Variants in COL28A1 observed in about 807,000 individuals in gnomAD.
The protein encoded by COL28A1 is collagen alpha-1(XXVIII) chain.
A neutral mutation model predicts 150.2 loss-of-function variants in COL28A1; 161 were observed. The observed-to-expected ratio is 1.07, with a 90% CI of 0.94 to 1.22. The LOEUF (loss-of-function observed/expected upper bound fraction) is 1.22, where lower values mean the gene tolerates loss of function less well. COL28A1 is among the 50% of genes most tolerant of loss of function. The probability of loss-of-function intolerance (pLI) is 0.00; values close to 1 mark genes in which losing one functional copy is unlikely to be tolerated. For missense variants in COL28A1, 1,617 were observed against 1,388.3 expected (o/e 1.16, Z -2.62); for synonymous variants, 552 against 469.7 (o/e 1.18, Z -2.26).
intron 14 of COL28A1, among the ~76,000 whole-genome samples, chr7:7,475,550 T>C (rs1236968929): frequency 1.3e-5 from 2 of 152,246 alleles, no homozygotes; most frequent in African/African-American, 4.8e-5. Flanking sequence ...AGAGTATCAA[T>C]AAAGTATGAT....
intron 27 of COL28A1, among the ~76,000 whole-genome samples, chr7:7,390,520 G>T (rs994642526): frequency 2.6e-5 from 4 of 152,138 alleles, no homozygotes; most frequent in Non-Finnish European, 5.9e-5. Context: ...ATGAGTTAGG[G>T]AGGAGTCCCT....
chr7:7,464,264 C>G (rs1028201412), intron 15 of COL28A1, among the ~76,000 whole-genome samples: 1 of 152,074 alleles, frequency 6.6e-6, no homozygotes, highest in African/African-American at 2.4e-5. Flanking sequence ...CGAGACAGAA[C>G]GTCAACAAAG....
At chr7:7,486,806 T>C (rs1421535190) in intron 13 of COL28A1, among the ~76,000 whole-genome samples, 2 of 152,212 alleles carry the variant, frequency 1.3e-5, no homozygotes, top group Admixed American at 1.3e-4. Context: ...AGTCATGCTG[T>C]ATAATTCTTT....
chr7:7,442,568 C>A (rs745600612), intron 20 of COL28A1, among the ~76,000 whole-genome samples: 7 of 152,096 alleles, frequency 4.6e-5, no homozygotes, highest in Non-Finnish European at 1.0e-4. Flanking sequence ...ATTTAAATTT[C>A]ATGTCCTCAC....
chr7:7,346,037 A>C, the COL28A1 span, among the ~76,000 whole-genome samples: 1 of 152,118 alleles, frequency 6.6e-6, no homozygotes, highest in South Asian at 2.1e-4. Flanking sequence ...ATTTCATGTG[A>C]TCCTGAGCTT....
At chr7:7,461,440 A>C (rs2128338532) in intron 15 of COL28A1, among the ~76,000 whole-genome samples, 1 of 152,312 alleles carries the variant, frequency 6.6e-6, no homozygotes, top group South Asian at 2.1e-4. Flanking sequence ...AGACAGGGGA[A>C]GAAGGAAAGC....
chr7:7,386,285 G>A (rs1782177292), intron 27 of COL28A1, among the ~76,000 whole-genome samples: 1 of 152,124 alleles, frequency 6.6e-6, no homozygotes, highest in Admixed American at 6.5e-5. Context: ...GTAAGGTGTG[G>A]TAAGAAAAAA....
intron 1 of COL28A1, among the ~76,000 whole-genome samples, chr7:7,534,751 T>C (rs1782552469): frequency 6.6e-6 from 1 of 152,204 alleles, no homozygotes; most frequent in Non-Finnish European, 1.5e-5. Flanking sequence ...AATTTGTACC[T>C]GATCCCTGTA....
At position 7,373,680 on chromosome 7, in the gene COL28A1, C is replaced by A. The variant is rs150434849; in HGVS notation, c.2360-134G>T. Reference sequence around the variant, plus strand: ...TCCTTTTCTGTGATTGTGAAAATACCTGACAGCTGTCTCCATTCTGGTTTC... The same window carrying A: ...TCCTTTTCTGTGATTGTGAAAATACATGACAGCTGTCTCCATTCTGGTTTC... On this transcript the variant is annotated intron_variant, in intron 31 of 34. Transcript: ENST00000399429. The surrounding 1 kb of genome is among the most constrained non-coding windows in gnomAD (Gnocchi z 4.1). 12 of 716,330 alleles carry A rather than the reference C, an allele frequency of 1.7e-5. No homozygotes were observed. The highest frequency in any genetic ancestry group is 3.0e-5 in the Admixed American group (1 of 33,854). The allele number at this position is 716,330 out of a possible 1,614,324, so 44.4% of individuals were successfully genotyped here. A position where few individuals can be genotyped will look rare whatever the true frequency, so the allele number is the denominator to read the frequency against.
At chr7:7,516,585 A>G (rs1372430706) in intron 7 of COL28A1, among the ~76,000 whole-genome samples, 1 of 152,164 alleles carries the variant, frequency 6.6e-6, no homozygotes, top group Non-Finnish European at 1.5e-5. Flanking sequence ...TCCTCTTCAA[A>G]TGGGATTTTT....
At chr7:7,360,284 A>AT in intron 34 of COL28A1, 106 bp downstream of exon 34, 1 of 1,144,090 alleles carries the variant, frequency 8.7e-7, no homozygotes, top group Non-Finnish European at 1.2e-6. Flanking sequence ...CCTTCCTCAC[A>AT]TTGTAGATAC....
At chr7:7,502,468 A>G (rs1471458833) in intron 11 of COL28A1, among the ~76,000 whole-genome samples, 1 of 152,142 alleles carries the variant, frequency 6.6e-6, no homozygotes, top group African/African-American at 2.4e-5. Flanking sequence ...AAACCCTTTA[A>G]TGAAGAAAAG....
At chr7:7,477,242 A>G in intron 13 of COL28A1, 62 bp from the exon 14 acceptor site, 1 of 824,184 alleles carries the variant, frequency 1.2e-6, no homozygotes, top group African/African-American at 1.7e-5. Flanking sequence ...AGGAGTGATG[A>G]AAAAGAGGAA....
intron 4 of COL28A1, among the ~76,000 whole-genome samples, chr7:7,522,402 G>C (rs934242854): frequency 2.0e-5 from 3 of 152,046 alleles, no homozygotes; most frequent in Non-Finnish European, 4.4e-5. Context: ...ACTAGGCAAA[G>C]GAAAACATTT....
At chr7:7,418,535 T>C (rs1185491602) in intron 26 of COL28A1, among the ~76,000 whole-genome samples, 4 of 152,210 alleles carry the variant, frequency 2.6e-5, no homozygotes. Flanking sequence ...CAGTGCACAC[T>C]AATATAGTAG....
intron 8 of COL28A1, among the ~76,000 whole-genome samples, chr7:7,514,627 C>G (rs988804745): frequency 6.6e-6 from 1 of 152,166 alleles, no homozygotes; most frequent in Non-Finnish European, 1.5e-5. Context: ...AAAGTTATAA[C>G]TAAACTAATA....
At chr7:7,349,035 T>G in the COL28A1 span, among the ~76,000 whole-genome samples, 2 of 152,142 alleles carry the variant, frequency 1.3e-5, no homozygotes, top group African/African-American at 4.8e-5. Context: ...CATGAGCCAC[T>G]GTACCCAGCT....
downstream of COL28A1, among the ~76,000 whole-genome samples, chr7:7,351,210 C>A (rs1027822531): frequency 6.6e-6 from 1 of 152,106 alleles, no homozygotes; most frequent in Non-Finnish European, 1.5e-5. Context: ...CCAGAGGGCA[C>A]GCTCAGAATT....
At chr7:7,346,884 C>G in the COL28A1 span, among the ~76,000 whole-genome samples, 1 of 152,000 alleles carries the variant, frequency 6.6e-6, no homozygotes, top group Middle Eastern at 3.2e-3. Flanking sequence ...CAACATTCCA[C>G]TTAAAAATTA....
Sources: allele counts gnomAD v4.1 joint callset (sites outside exome capture counted in the v4.1 genomes callset), GRCh38; gene constraint gnomAD v4.1.1; non-coding constraint Gnocchi (gnomAD v3.1); transcripts MANE v1.5; gene names NCBI Gene and HGNC (gene_info 2026-07-23, HGNC 2026-07-21).